PAPPA2: variants seen among roughly 807,000 people sequenced by gnomAD.
PAPPA2 encodes the protein pappalysin 2, also known as pappalysin-2.
A neutral mutation model predicts 176.4 loss-of-function variants in PAPPA2; 86 were observed. The observed-to-expected ratio is 0.49, with a 90% CI of 0.41 to 0.58. The LOEUF is 0.58. Among genes scored for constraint, PAPPA2 ranks in the 20% least tolerant of loss-of-function variants. The pLI is 0.00. For missense variants in PAPPA2, 2,073 were observed against 2,256.9 expected (o/e 0.92, Z 1.65); for synonymous variants, 809 against 852.2 (o/e 0.95, Z 0.88).
chr1:176,797,271 A>T (rs904185813), intron 20 of PAPPA2, among the ~76,000 whole-genome samples: 1 of 152,218 alleles, frequency 6.6e-6, no homozygotes, highest in Admixed American at 6.5e-5. Flanking sequence ...ACAATTTTTG[A>T]TAAAGTTAGG....
At chr1:176,711,043 T>C (rs1217177281) in intron 11 of PAPPA2, among the ~76,000 whole-genome samples, 4 of 152,122 alleles carry the variant, frequency 2.6e-5, no homozygotes, top group African/African-American at 9.7e-5. Context: ...TCCCTTTTTA[T>C]TGGGAAAATA....
Position 176,695,797 on chromosome 1 carries a change from A to C in PAPPA2, c.2684A>C (p.His895Pro), listed in dbSNP as rs749193493. The C allele has an allele frequency of 6.2e-7, 1 of 1,614,068 alleles. No individual in the cohort carries two copies. The highest frequency in any genetic ancestry group is 8.5e-7 in the Non-Finnish European group (1 of 1,179,992). Reference sequence around the variant, plus strand: ...GATGGGACCTTTCGTCAGTATGTGCACACAGCTTCCTCCCGGCGGGTGTGT... The same window carrying C: ...GATGGGACCTTTCGTCAGTATGTGCCCACAGCTTCCTCCCGGCGGGTGTGT... The part of the protein sequence containing the change: ...TEDGTFRQYV[H>P]TASSRRVCDS... The change falls in exon 7 of 23, where the codon CAC (histidine) becomes CCC (proline). Residue 895 changes from histidine to proline, a missense_variant. His to Pro is a moderately conservative substitution (Grantham distance 77). Coordinates refer to ENST00000367662, the MANE Select transcript of PAPPA2 (RefSeq NM_020318.3).
At chr1:176,673,174 A>T (rs139647176) in intron 4 of PAPPA2, among the ~76,000 whole-genome samples, 23 of 152,126 alleles carry the variant, frequency 1.5e-4, no homozygotes, top group African/African-American at 5.6e-4. Flanking sequence ...GATACAGCTG[A>T]CAGAAAGGGG....
chr1:176,801,545 C>T (rs946914809), intron 21 of PAPPA2, among the ~76,000 whole-genome samples: 1 of 152,012 alleles, frequency 6.6e-6, no homozygotes, highest in African/African-American at 2.4e-5. Flanking sequence ...TGTGGGCCAA[C>T]AAAACAGCTC....
At chr1:176,537,748 G>GTGTGTT (rs1283663231) in intron 1 of PAPPA2, among the ~76,000 whole-genome samples, 9 of 151,860 alleles carry the variant, frequency 5.9e-5, no homozygotes, top group Non-Finnish European at 1.3e-4. Flanking sequence ...GTGTGTGTGT[G>GTGTGTT]TGTGTGTATG....
chr1:176,604,716 T>A (rs184620686), intron 3 of PAPPA2, among the ~76,000 whole-genome samples: 1 of 152,248 alleles, frequency 6.6e-6, no homozygotes. Flanking sequence ...CCCATTCTTG[T>A]CTGTCTCTTG....
chr1:176,557,078 G>A lies in PAPPA2; in HGVS notation c.756G>A (p.Glu252=). The A allele has an allele frequency of 1.2e-6, 2 of 1,614,034 alleles. No individual in the cohort carries two copies. Among genetic ancestry groups the A allele is most frequent in the Non-Finnish European group, 1.7e-6 (2 of 1,179,990 alleles). ...NGGEGSYREA[E]TFNSQVGLPI... ...GAGAGGGCTCCTACCGAGAAGCAGA[G>A]ACCTTTAACTCCCAAGTAGGACTGC... The change falls in exon 2 of 23, where the codon GAG becomes GAA. Residue 252 remains glutamate (E), a synonymous_variant. Coordinates refer to ENST00000367662, the MANE Select transcript of PAPPA2 (RefSeq NM_020318.3).
At chr1:176,724,176 A>T (rs2102853550) in intron 12 of PAPPA2, among the ~76,000 whole-genome samples, 1 of 152,348 alleles carries the variant, frequency 6.6e-6, no homozygotes, top group South Asian at 2.1e-4. Flanking sequence ...GCAAGCAAAC[A>T]AATTAAAACA....
intron 12 of PAPPA2, among the ~76,000 whole-genome samples, chr1:176,719,166 A>G (rs1661506199): frequency 6.6e-6 from 1 of 152,068 alleles, no homozygotes; most frequent in Non-Finnish European, 1.5e-5. Flanking sequence ...TGCAACCTTA[A>G]TAATCAATGG....
At chr1:176,476,032 TAAAAGG>T (rs59663245) in intron 1 of PAPPA2, among the ~76,000 whole-genome samples, 3,507 of 152,332 alleles carry the variant, frequency 0.023, 141 homozygotes, top group African/African-American at 0.08. Context: ...GCTGTGACTT[TAAAAGG>T]TTTTTGTAAA....
intron 4 of PAPPA2, among the ~76,000 whole-genome samples, chr1:176,677,634 A>T (rs182234466): frequency 1.8e-4 from 27 of 152,224 alleles, no homozygotes; most frequent in Admixed American, 1.5e-3. Flanking sequence ...GCCCTTTTAT[A>T]CCTTGGATAC....
At chr1:176,555,071 G>A (rs1449131258) in intron 1 of PAPPA2, among the ~76,000 whole-genome samples, 6 of 151,276 alleles carry the variant, frequency 4.0e-5, no homozygotes, top group Admixed American at 1.3e-4. Flanking sequence ...TTGATTTTTT[G>A]CTATTGATTG....
At chr1:176,545,388 C>T (rs1246578850) in intron 1 of PAPPA2, among the ~76,000 whole-genome samples, 1 of 151,628 alleles carries the variant, frequency 6.6e-6, no homozygotes, top group East Asian at 1.9e-4. Context: ...CTGTGTTCCT[C>T]ATCCATGGAT....
intron 12 of PAPPA2, among the ~76,000 whole-genome samples, chr1:176,721,719 T>C (rs1282632169): frequency 4.6e-5 from 7 of 152,168 alleles, no homozygotes; most frequent in Admixed American, 4.6e-4. Context: ...TCTTCAACAG[T>C]CTTTCTATGA....
chr1:176,710,343 A>T (rs1661088492), intron 11 of PAPPA2, among the ~76,000 whole-genome samples, 167 bp downstream of exon 11: 1 of 152,158 alleles, frequency 6.6e-6, no homozygotes, highest in Admixed American at 6.5e-5. Context: ...CAATTACATG[A>T]TGTTGGACAA....
intron 12 of PAPPA2, among the ~76,000 whole-genome samples, chr1:176,739,376 T>C (rs575396879): frequency 6.6e-6 from 1 of 152,176 alleles, no homozygotes; most frequent in Non-Finnish European, 1.5e-5. Flanking sequence ...AAAAAACAGT[T>C]CAGGTATCAG....
chr1:176,657,216 A>G (rs1186819263), intron 3 of PAPPA2, among the ~76,000 whole-genome samples: 1 of 151,974 alleles, frequency 6.6e-6, no homozygotes, highest in South Asian at 2.1e-4. Context: ...CTATACCAAA[A>G]TCTGTCAGAT....
intron 1 of PAPPA2, among the ~76,000 whole-genome samples, chr1:176,468,809 A>T (rs186605604): frequency 6.6e-6 from 1 of 152,324 alleles, no homozygotes; most frequent in Non-Finnish European, 1.5e-5. Context: ...ATGTTGATCC[A>T]TGCTAAGATT....
chr1:176,590,606 C>A (rs1653597931), intron 2 of PAPPA2, among the ~76,000 whole-genome samples: 1 of 152,184 alleles, frequency 6.6e-6, no homozygotes, highest in Admixed American at 6.5e-5. Context: ...TTATTTAATT[C>A]TCACAACAAC....
Sources: gnomAD v4.1 joint callset for allele counts (sites outside exome capture counted in the v4.1 genomes callset) on GRCh38, gnomAD v4.1.1 for gene constraint, MANE v1.5 for transcripts, NCBI Gene and HGNC (gene_info 2026-07-23, HGNC 2026-07-21) for gene names.